The following KIF19 variants were observed in gnomAD, a reference collection of about 807,000 sequenced individuals.
The protein encoded by KIF19 is kinesin family member 19.
KIF19 carries 98 observed loss-of-function variants against 106.6 expected under a neutral mutation model. That is an observed-to-expected ratio of 0.92 (90% CI 0.78 to 1.09). The LOEUF (loss-of-function observed/expected upper bound fraction) is 1.09, where lower values mean the gene tolerates loss of function less well. KIF19 is among the 50% of genes least tolerant of loss of function. The probability of loss-of-function intolerance (pLI) is 0.00; values close to 1 mark genes in which losing one functional copy is unlikely to be tolerated. For synonymous variants in KIF19, 516 were observed against 584.2 expected, an observed-to-expected ratio of 0.88 and a Z score of 1.68; for missense variants, 1,373 against 1,414.3, an observed-to-expected ratio of 0.97 and a Z score of 0.47.
At chr17:74,343,263 C>T in intron 5 of KIF19, 103 bp downstream of exon 5, 4 of 1,142,740 alleles carry the variant, frequency 3.5e-6, no homozygotes, top group Non-Finnish European at 1.2e-6. Context: ...TCCTGCATGC[C>T]TACTGTGAGC....
chr17:74,352,422 C>G, intron 14 of KIF19, 82 bp downstream of exon 14: 4 of 1,486,316 alleles, frequency 2.7e-6, no homozygotes, highest in Non-Finnish European at 3.6e-6. Flanking sequence ...CTTCAGGCAG[C>G]TGGAGGGGAC....
At chr17:74,339,874 G>A (rs2054315659) in intron 2 of KIF19, among the ~76,000 whole-genome samples, 1 of 152,192 alleles carries the variant, frequency 6.6e-6, no homozygotes, top group Non-Finnish European at 1.5e-5. Context: ...CAGGTGCAGG[G>A]CCTGTGGAAT....
chr17:74,350,620 G>C lies in KIF19; in HGVS notation c.1388+45G>C, dbSNP rs746165234. 4 of 1,609,700 alleles carry C rather than the reference G, an allele frequency of 2.5e-6. No individual in the cohort carries two copies. The Admixed American group carries it at 6.7e-5, about 27-fold the overall frequency. On this transcript the variant is annotated intron_variant, in intron 11 of 19. Coordinates refer to ENST00000389916, the MANE Select transcript of KIF19 (RefSeq NM_153209.4). Reference sequence around the variant, plus strand: ...CCCTCCAGGCCCCACCCCTGTGCCTGGGACAGAGGAGCACGACCTGTGGCT... The same window carrying C: ...CCCTCCAGGCCCCACCCCTGTGCCTCGGACAGAGGAGCACGACCTGTGGCT...
chr17:74,355,299 C>G lies in KIF19; in HGVS notation c.2984C>G (p.Ser995Cys). ...AGCACCCATGGCAAAGATGGATGCT[C>G]CCGGCATAACTGAGGGGCCCTGCCT... ...GTSTHGKDGCSRHN is the reference protein window; with the variant it reads ...GTSTHGKDGCCRHN Residue 995 changes from serine to cysteine, a missense_variant, in exon 20 of 20, where the codon TCC becomes TGC. Around this residue, in one of 3 missense-constraint regions of KIF19, gnomAD observed 1,020 missense variants for 1,008.2 expected, o/e 1.01. Coordinates refer to ENST00000389916, the MANE Select transcript of KIF19 (RefSeq NM_153209.4). The G allele has an allele frequency of 1.2e-6, 2 of 1,610,204 alleles. No individual in the cohort carries two copies. The highest frequency in any genetic ancestry group is 1.7e-6 in the Non-Finnish European group (2 of 1,178,976).
In KIF19 at chr17:74,345,595, G is replaced by A. The variant is rs187912969; in HGVS notation, c.777+640G>A. ...AGCTGGTGTAGGTCTGGGCTCCCTC[G>A]TGCAGGCAATCTTGGGGGTTTTATG... is the stretch of plus-strand genomic sequence containing the variant. On this transcript the variant is annotated intron_variant, in intron 7 of 19. Coordinates refer to ENST00000389916, the MANE Select transcript of KIF19 (RefSeq NM_153209.4). Among the ~76,000 whole-genome samples, 7 of 151,246 alleles carry A rather than the reference G, an allele frequency of 4.6e-5. No individual in the cohort carries two copies. The East Asian group carries it at 5.9e-4, about 13-fold the overall frequency.
intron 2 of KIF19, chr17:74,328,794 G>A (rs1290488361): frequency 9.6e-6 from 3 of 314,096 alleles, no homozygotes; most frequent in Non-Finnish European, 1.8e-5. Flanking sequence ...TAATATGCCT[G>A]CTGCCCACAG....
chr17:74,342,980 C>CGA, intron 4 of KIF19, 44 bp from the exon 5 acceptor site: 1 of 1,544,268 alleles, frequency 6.5e-7, no homozygotes, highest in Non-Finnish European at 8.7e-7. Flanking sequence ...CAAGGCCTCC[C>CGA]TCCCAGCCCC....
rs149271577 is a variant in KIF19, at chr17:74,328,869, C to T, written c.120+364C>T. ...AGGGTGTAACGTGTGGCAAAATCCT[C>T]GCTCTCTGTTTGCAATCTTGGTCCT... On this transcript the variant is annotated intron_variant, in intron 2 of 19. Transcript: ENST00000389916. The T allele has an allele frequency of 5.0e-3, 833 of 165,662 alleles. 9 individuals are homozygous for T. The highest frequency in any genetic ancestry group is 0.018 in the African/African-American group (769 of 41,916). The allele number at this position is 165,662 out of a possible 1,614,324, so 10.3% of individuals were successfully genotyped here.
chr17:74,327,800 G>A (rs575594655), intron 1 of KIF19, among the ~76,000 whole-genome samples: 63 of 152,218 alleles, frequency 4.1e-4, no homozygotes, highest in Admixed American at 2.0e-4. Context: ...CCAGAGGGCC[G>A]TTCATTCTAT....
chr17:74,353,281 G>A lies in KIF19; in HGVS notation c.2200G>A (p.Gly734Ser), dbSNP rs988925464. ...GCCCACCCCACCTCCCATCCAGCTC[G>A]GCAGCCTGGTGACGCAGGAGGTGAG... ...SVPTPPPIQLGSLVTQEAPAQ... is the reference protein window; with the variant it reads ...SVPTPPPIQLSSLVTQEAPAQ... The change falls in exon 16 of 20, where the codon GGC (glycine) becomes AGC (serine). Residue 734 changes from glycine (G) to serine (S), a missense_variant. Physicochemically the swap from Gly to Ser is moderately conservative, Grantham distance 56. Around this residue, in one of 3 missense-constraint regions of KIF19, gnomAD observed 1,020 missense variants for 1,008.2 expected, o/e 1.01. Transcript: ENST00000389916. 8.9e-6 allele frequency: 14 copies of A among 1,575,092 alleles called. No individual in the cohort carries two copies. The highest frequency in any genetic ancestry group is 2.7e-5 in the African/African-American group (2 of 74,072).
chr17:74,341,594 A>G (rs1598383161), intron 2 of KIF19, among the ~76,000 whole-genome samples: 1 of 152,160 alleles, frequency 6.6e-6, no homozygotes, highest in African/African-American at 2.4e-5. Context: ...CCAAGGGCAG[A>G]TGATGGCGAG....
chr17:74,351,065 C>A (rs1285365830), intron 12 of KIF19, 160 bp downstream of exon 12: 1 of 683,174 alleles, frequency 1.5e-6, no homozygotes, highest in Non-Finnish European at 2.6e-6. Flanking sequence ...CTTCTCTATG[C>A]GTCACATTCC....
chr17:74,348,387 G>A (rs559463585), intron 9 of KIF19, among the ~76,000 whole-genome samples: 10 of 152,260 alleles, frequency 6.6e-5, no homozygotes, highest in Non-Finnish European at 1.3e-4. Context: ...TGATGGCGCT[G>A]AGGATGGAAA....
intron 13 of KIF19, 38 bp from the exon 14 acceptor site, chr17:74,352,181 C>T (rs1426701219): frequency 6.3e-7 from 1 of 1,589,342 alleles, no homozygotes; most frequent in Non-Finnish European, 8.6e-7. Flanking sequence ...CGCGGGGGGG[C>T]CGCTGGCACT....
Position 74,334,185 on chromosome 17 carries a change from T to A in KIF19, c.120+5680T>A, listed in dbSNP as rs565518046. Among the ~76,000 whole-genome samples, 3 of 152,246 alleles carry A rather than the reference T, an allele frequency of 2.0e-5. No homozygotes were observed. In the South Asian group the frequency reaches 6.2e-4, roughly 32 times the overall value. On this transcript the variant is annotated intron_variant, in intron 2 of 19. Coordinates refer to ENST00000389916, the MANE Select transcript of KIF19 (RefSeq NM_153209.4). ...TTTGAGGTGTGGATTCACCGTGTTCTGTTTATCCTTTCATCAGTTGATGGG... is the reference window on the plus strand; with the variant it reads ...TTTGAGGTGTGGATTCACCGTGTTCAGTTTATCCTTTCATCAGTTGATGGG...
In KIF19 at chr17:74,341,939, G is replaced by T; in HGVS notation, c.184G>T (p.Glu62Ter). The change falls in exon 3 of 20, where the codon GAG (glutamate) becomes TAG (stop). Residue 62 changes from glutamate (E) to a stop codon, truncating the protein, a stop_gained. Transcript: ENST00000389916. LOFTEE classifies it high-confidence loss of function. ...CATCCTGCGGGCGCATCGCTCCCGG[G>T]AGAAGTCCTACCTGTTCGACGTGGC... ...DDILRAHRSR[E>*]KSYLFDVAFD... 6.2e-7 allele frequency: 1 copy of T among 1,613,690 alleles called. No individual in the cohort carries two copies. The highest frequency in any genetic ancestry group is 1.3e-5 in the African/African-American group (1 of 75,032).
intron 2 of KIF19, among the ~76,000 whole-genome samples, chr17:74,339,565 T>C (rs1300946995): frequency 6.6e-6 from 1 of 150,500 alleles, no homozygotes; most frequent in Non-Finnish European, 1.5e-5. Flanking sequence ...CCTACCTCCC[T>C]CGCCCCCTTC....
intron 2 of KIF19, among the ~76,000 whole-genome samples, chr17:74,332,042 A>T (rs548233762): frequency 7.0e-4 from 106 of 152,150 alleles, no homozygotes; most frequent in Non-Finnish European, 1.2e-3. Context: ...ACAGGGGTTA[A>T]TAAATGTGAA....
Position 74,352,075 on chromosome 17 carries a change from G to A in KIF19, c.1796G>A (p.Arg599His), listed in dbSNP as rs1176570055. 2.5e-6 allele frequency: 4 copies of A among 1,592,084 alleles called. No individual in the cohort carries two copies. Among genetic ancestry groups the A allele is most frequent in the Admixed American group, 3.4e-5 (2 of 58,224 alleles). The stretch of plus-strand genomic sequence containing the variant: ...CGCCACCGCCACGAGGCCGTGCGCC[G>A]CCTGGAGCAGCACCGCAGTCTCTGC... The part of the protein sequence containing the change: ...ALRHRHEAVR[R>H]LEQHRSLCDE... Residue 599 changes from arginine (R) to histidine (H), a missense_variant, in exon 13 of 20, where the codon CGC becomes CAC. Physicochemically the swap from Arg to His is conservative, Grantham distance 29. Around this residue, in one of 3 missense-constraint regions of KIF19, gnomAD observed 1,020 missense variants for 1,008.2 expected, o/e 1.01. Coordinates refer to ENST00000389916, the MANE Select transcript of KIF19 (RefSeq NM_153209.4).
Sources: gnomAD v4.1 joint callset for allele counts (sites outside exome capture counted in the v4.1 genomes callset) on GRCh38, gnomAD v4.1.1 for gene constraint, gnomAD v4.1.1 regional missense constraint, MANE v1.5 for transcripts, NCBI Gene and HGNC (gene_info 2026-07-23, HGNC 2026-07-21) for gene names.